KLF7: variants seen among roughly 807,000 people sequenced by gnomAD.
The protein encoded by KLF7 is KLF transcription factor 7.
A neutral mutation model predicts 27.3 loss-of-function variants in KLF7; 2 were observed. That is an observed-to-expected ratio of 0.07 (90% CI 0.03 to 0.23). The LOEUF is 0.23. Among genes scored for constraint, KLF7 ranks in the 10% least tolerant of loss-of-function variants. KLF7 has a pLI of 1.00. For missense variants in KLF7, 221 were observed against 394.1 expected (o/e 0.56, Z 3.72); for synonymous variants, 165 against 162.4 (o/e 1.02, Z -0.12).
At chr2:207,150,056 C>A (rs1476934407) in intron 1 of KLF7, among the ~76,000 whole-genome samples, 2 of 152,178 alleles carry the variant, frequency 1.3e-5, no homozygotes, top group African/African-American at 4.8e-5. Flanking sequence ...CAGTTTTACC[C>A]AAAACCCAGA....
At chr2:207,135,424 G>T (rs1383995169) in intron 1 of KLF7, among the ~76,000 whole-genome samples, 1 of 152,100 alleles carries the variant, frequency 6.6e-6, no homozygotes, top group Non-Finnish European at 1.5e-5. Context: ...AATAATCCAT[G>T]TTTACAGGAT....
chr2:207,112,986 G>A (rs745971742), intron 2 of KLF7, among the ~76,000 whole-genome samples: 11 of 152,280 alleles, frequency 7.2e-5, no homozygotes, highest in South Asian at 6.2e-4. Flanking sequence ...TAATAGGAAA[G>A]TCAAGGGTCT....
At position 207,148,877 on chromosome 2, in the gene KLF7, C is replaced by T. The variant is rs2078167652; in HGVS notation, c.102+16590G>A. The T allele has an allele frequency of 1.3e-5, 5 of 378,620 alleles. No homozygotes were observed. In the South Asian group the frequency reaches 2.8e-4, roughly 21 times the overall value. 23.5% of individuals were successfully genotyped at this position (378,620 alleles called of 1,614,324 possible). ...TGCTCTCTGACTTTTCCTTTGCCAA[C>T]ATCTGCTTTGGGGGCAGGGATCTCC... On this transcript the variant is annotated intron_variant, in intron 1 of 3. Transcript: ENST00000309446.
chr2:207,163,365 C>T (rs1453241039), intron 1 of KLF7, among the ~76,000 whole-genome samples: 1 of 152,142 alleles, frequency 6.6e-6, no homozygotes, highest in Non-Finnish European at 1.5e-5. Context: ...AATCCTTTGC[C>T]TGTAGAAACT....
intron 1 of KLF7, among the ~76,000 whole-genome samples, chr2:207,128,351 GCTC>G (rs1381298305): frequency 3.3e-5 from 5 of 152,134 alleles, no homozygotes; most frequent in Non-Finnish European, 7.4e-5. Context: ...GAAAGGGTCA[GCTC>G]CTCATTACAG....
intron 2 of KLF7, among the ~76,000 whole-genome samples, chr2:207,094,983 CCAGT>C (rs1204784531): frequency 6.6e-6 from 1 of 151,662 alleles, no homozygotes; most frequent in Non-Finnish European, 1.5e-5. Context: ...ACACAGTGCA[CCAGT>C]CACTTTACAG....
chr2:207,112,860 T>C (rs2077074086), intron 2 of KLF7, among the ~76,000 whole-genome samples: 1 of 152,260 alleles, frequency 6.6e-6, no homozygotes, highest in Non-Finnish European at 1.5e-5. Flanking sequence ...ATCACATTTG[T>C]TCATTTGCCA....
In KLF7 at chr2:207,102,592, T is replaced by C. The variant is rs142819037; in HGVS notation, c.734-14011A>G. Reference sequence around the variant, plus strand: ...TAGTTTTCATGCAATTATTTTGATCTTGCAATATGCCACAAACTACAATGT... The same window carrying C: ...TAGTTTTCATGCAATTATTTTGATCCTGCAATATGCCACAAACTACAATGT... On this transcript the variant is annotated intron_variant, in intron 2 of 3. Transcript: ENST00000309446. Among the ~76,000 whole-genome samples, 586 of 152,348 alleles carry C rather than the reference T, an allele frequency of 3.8e-3. 3 individuals are homozygous for C. Among genetic ancestry groups the C allele is most frequent in the African/African-American group, 0.012 (513 of 41,588 alleles).
Position 207,116,894 on chromosome 2 carries a change from C to G in KLF7, c.733+6880G>C, listed in dbSNP as rs565522279. Reference sequence around the variant, plus strand: ...AGTTCCCCCACATCCCCCATCCAAACTATATTCTGAGATCAAGTTCCAAAT... The same window carrying G: ...AGTTCCCCCACATCCCCCATCCAAAGTATATTCTGAGATCAAGTTCCAAAT... On this transcript the variant is annotated intron_variant, in intron 2 of 3. Transcript: ENST00000309446. Among the ~76,000 whole-genome samples, 156 of 152,260 alleles carry G rather than the reference C, an allele frequency of 1.0e-3. 2 individuals carry two copies. The highest frequency in any genetic ancestry group is 3.7e-3 in the African/African-American group (153 of 41,546).
intron 1 of KLF7, among the ~76,000 whole-genome samples, chr2:207,133,498 G>A (rs185560335): frequency 5.9e-5 from 9 of 152,208 alleles, no homozygotes; most frequent in African/African-American, 2.2e-4. Flanking sequence ...GCCCAAGGAC[G>A]TGGGAGGAGG....
chr2:207,152,815 G>A (rs1435242978), intron 1 of KLF7, among the ~76,000 whole-genome samples: 1 of 152,142 alleles, frequency 6.6e-6, no homozygotes, highest in Admixed American at 6.5e-5. Flanking sequence ...GGAGCGGAAG[G>A]TGCCTTAGAG....
chr2:207,121,651 C>T (rs962587123), intron 2 of KLF7: 9 of 152,132 alleles, frequency 5.9e-5, no homozygotes, highest in African/African-American at 2.2e-4. Flanking sequence ...AGTGAATTCC[C>T]AATAGGAGTC....
chr2:207,165,835 T>C lies in KLF7; in HGVS notation c.-267A>G, dbSNP rs2078691350. On this transcript the variant is annotated 5_prime_UTR_variant, in exon 1 of 4. Coordinates refer to ENST00000309446, the MANE Select transcript of KLF7 (RefSeq NM_003709.4). ...AGACGACTGCCAGGAAAAGGGGACT[T>C]CTCCACGGGAGTAACAATTCCCTTC... 1.5e-6 allele frequency: 2 copies of C among 1,311,500 alleles called. No individual in the cohort carries two copies. The highest frequency in any genetic ancestry group is 1.9e-6 in the Non-Finnish European group (2 of 1,025,852). 81.2% of individuals were successfully genotyped at this position (1,311,500 alleles called of 1,614,324 possible).
chr2:207,120,106 C>CT lies in KLF7; in HGVS notation c.733+3667dup, dbSNP rs200660273. On this transcript the variant is annotated intron_variant, in intron 2 of 3. Transcript: ENST00000309446. Reference sequence around the variant, plus strand: ...CACCTCCAGCTCAGTACCCCCATCTCTAACTTTACTTCCTTGGGCAACCTG... The same window carrying CT: ...CACCTCCAGCTCAGTACCCCCATCTCTTAACTTTACTTCCTTGGGCAACCTG... Among the ~76,000 whole-genome samples the CT allele has an allele frequency of 8.5e-3, 1,296 of 152,296 alleles. 16 individuals carry two copies. The highest frequency in any genetic ancestry group is 0.03 in the African/African-American group (1,243 of 41,554).
intron 2 of KLF7, among the ~76,000 whole-genome samples, chr2:207,108,701 C>T (rs2076948333): frequency 6.6e-6 from 1 of 152,242 alleles, no homozygotes; most frequent in African/African-American, 2.4e-5. Flanking sequence ...CAAGCAAAAT[C>T]ATAACCTGAG....
chr2:207,075,168 T>C lies in KLF7; in HGVS notation c.*6045A>G, dbSNP rs2076152574. ...AATGCGTCACATAACATTTTTTGCA[T>C]AGATATCTTACAATATACCAATTTA... On this transcript the variant is annotated 3_prime_UTR_variant, in exon 4 of 4. Coordinates refer to ENST00000309446, the MANE Select transcript of KLF7 (RefSeq NM_003709.4). 1 of 152,144 alleles carries C rather than the reference T, an allele frequency of 6.6e-6. No homozygotes were observed. The allele number at this position is 152,144 out of a possible 1,614,324, so 9.4% of individuals were successfully genotyped here.
At position 207,124,510 on chromosome 2, in the gene KLF7, T is replaced by C. The variant is rs979703884; in HGVS notation, c.103-106A>G. The C allele has an allele frequency of 4.6e-6, 5 of 1,094,776 alleles. No individual in the cohort carries two copies. In the East Asian group the frequency reaches 9.6e-5, roughly 21 times the overall value. 67.8% of individuals were successfully genotyped at this position (1,094,776 alleles called of 1,614,324 possible). ...GGAAGGTGCAGAGAGAATGGTGTCATGGCTTGTATCAGAAATGCCTTAGTA... is the reference window on the plus strand; with the variant it reads ...GGAAGGTGCAGAGAGAATGGTGTCACGGCTTGTATCAGAAATGCCTTAGTA... On this transcript the variant is annotated intron_variant, in intron 1 of 3. Coordinates refer to ENST00000309446, the MANE Select transcript of KLF7 (RefSeq NM_003709.4).
rs376354914 is a variant in KLF7, at chr2:207,123,941, G to A, written c.566C>T (p.Thr189Met). Residue 189 changes from threonine (T) to methionine (M), a missense_variant, in exon 2 of 4, where the codon ACG (threonine) becomes ATG (methionine). Physicochemically the swap from Thr to Met is moderately conservative, Grantham distance 81. This residue lies in a region of KLF7 where 180 missense variants were observed against 227.9 expected (regional missense o/e 0.79). Coordinates refer to ENST00000309446, the MANE Select transcript of KLF7 (RefSeq NM_003709.4). Reference protein sequence around the residue: ...GGVATAAAAVTAAGAVKSGQS... With the variant: ...GGVATAAAAVMAAGAVKSGQS... ...TCCACTCTTAACGGCCCCCGCAGCCGTCACGGCTGCTGCAGCTGTTGCGAC... is the reference window on the plus strand; with the variant it reads ...TCCACTCTTAACGGCCCCCGCAGCCATCACGGCTGCTGCAGCTGTTGCGAC... The A allele has an allele frequency of 1.7e-5, 28 of 1,614,030 alleles. No homozygotes were observed. Among genetic ancestry groups the A allele is most frequent in the Admixed American group, 3.3e-5 (2 of 60,010 alleles).
At chr2:207,150,211 A>C (rs993701594) in intron 1 of KLF7, among the ~76,000 whole-genome samples, 1 of 151,952 alleles carries the variant, frequency 6.6e-6, no homozygotes, top group Non-Finnish European at 1.5e-5. Context: ...GAAGCATATT[A>C]TATCTATCCA....
Sources: allele counts gnomAD v4.1 joint callset (sites outside exome capture counted in the v4.1 genomes callset), GRCh38; gene constraint gnomAD v4.1.1; regional missense constraint gnomAD v4.1.1; transcripts MANE v1.5; gene names NCBI Gene and HGNC (gene_info 2026-07-23, HGNC 2026-07-21).